The following AFAP1 variants were observed in gnomAD, a reference collection of about 807,000 sequenced individuals.
AFAP1 encodes the protein actin filament-associated protein 1.
AFAP1 carries 75 observed loss-of-function variants against 93.9 expected under a neutral mutation model. That is an observed-to-expected ratio of 0.80 (90% confidence interval 0.66 to 0.97). AFAP1 has a LOEUF of 0.97. AFAP1 is among the 50% of genes least tolerant of loss of function. The probability of loss-of-function intolerance (pLI) is 0.00; values close to 1 mark genes in which losing one functional copy is unlikely to be tolerated. For synonymous variants in AFAP1, 517 were observed against 430.7 expected (o/e 1.20, Z -2.48); for missense variants, 1,201 against 1,050.8 (o/e 1.14, Z -1.98).
chr4:7,763,737 T>G lies in AFAP1; in HGVS notation c.*28A>C. 1 of 1,551,580 alleles carries G rather than the reference T, an allele frequency of 6.4e-7. No individual in the cohort carries two copies. Among genetic ancestry groups the G allele is most frequent in the Non-Finnish European group, 8.7e-7 (1 of 1,146,920 alleles). On this transcript the variant is annotated 3_prime_UTR_variant, in exon 18 of 18. Transcript: ENST00000420658. ...GATACAGGCAAGGGGGTGTGCAGTCTCTGAGGCTGGAGTGGTGCTGCTGTC... is the reference window on the plus strand; with the variant it reads ...GATACAGGCAAGGGGGTGTGCAGTCGCTGAGGCTGGAGTGGTGCTGCTGTC...
intron 4 of AFAP1, among the ~76,000 whole-genome samples, chr4:7,852,744 C>A (rs1040163962): frequency 6.6e-6 from 1 of 152,224 alleles, no homozygotes; most frequent in Admixed American, 6.5e-5. Context: ...GGAGACGGAA[C>A]CTGTTACAGG....
At chr4:7,878,825 G>A (rs1384092965) in intron 1 of AFAP1, among the ~76,000 whole-genome samples, 1 of 152,056 alleles carries the variant, frequency 6.6e-6, no homozygotes, top group Non-Finnish European at 1.5e-5. Context: ...AGCCAGAATG[G>A]GAATCAGAAC....
chr4:7,881,801 A>C (rs1353102300), intron 1 of AFAP1, among the ~76,000 whole-genome samples: 1 of 151,474 alleles, frequency 6.6e-6, no homozygotes, highest in Non-Finnish European at 1.5e-5. Context: ...AAGAAAAAGT[A>C]AAAGAAACCT....
intron 1 of AFAP1, among the ~76,000 whole-genome samples, chr4:7,894,956 G>A (rs377377036): frequency 2.6e-5 from 4 of 152,220 alleles, no homozygotes; most frequent in East Asian, 1.9e-4. Context: ...AGATGGCTCC[G>A]CCGCTATGCA....
At chr4:7,932,101 A>G (rs6841472) in intron 1 of AFAP1, among the ~76,000 whole-genome samples, 3,745 of 151,696 alleles carry the variant, frequency 0.025, 142 homozygotes, top group African/African-American at 0.084. Flanking sequence ...CTCGTGATCC[A>G]CCCTCCTAGG....
At chr4:7,859,354 G>C (rs1715418001) in intron 3 of AFAP1, among the ~76,000 whole-genome samples, 1 of 152,106 alleles carries the variant, frequency 6.6e-6, no homozygotes. Flanking sequence ...GGGAGGCAGA[G>C]GCTGCAGTGA....
At chr4:7,863,882 T>C (rs985958073) in intron 3 of AFAP1, among the ~76,000 whole-genome samples, 1 of 124,182 alleles carries the variant, frequency 8.1e-6, no homozygotes, top group Non-Finnish European at 1.7e-5. Flanking sequence ...GCATGGGAAA[T>C]AGAACCTAGC....
intron 1 of AFAP1, among the ~76,000 whole-genome samples, chr4:7,931,860 GTTTC>G (rs930134110): frequency 4.6e-5 from 7 of 151,776 alleles, no homozygotes; most frequent in African/African-American, 1.2e-4. Flanking sequence ...ATAGATTCTG[GTTTC>G]TTTTTCTTTT....
intron 1 of AFAP1, among the ~76,000 whole-genome samples, chr4:7,931,546 A>AT (rs376570405): frequency 0.13 from 18,532 of 138,010 alleles, 1,597 homozygotes; most frequent in East Asian, 0.49. Flanking sequence ...CACGCCCAGC[A>AT]TTTTTTTTTT....
intron 3 of AFAP1, among the ~76,000 whole-genome samples, chr4:7,865,435 A>T (rs964906442): frequency 6.6e-6 from 1 of 152,178 alleles, no homozygotes; most frequent in African/African-American, 2.4e-5. Flanking sequence ...CCTTTTTAAA[A>T]TTTTCTCACC....
rs115514871 is a variant in AFAP1 at position 7,868,465 on chromosome 4, C to A, written c.225+157G>T. On this transcript the variant is annotated intron_variant, in intron 3 of 17. Coordinates refer to ENST00000420658, the MANE Select transcript of AFAP1 (RefSeq NM_001134647.2). ...TAGAGTCTACCAACTAGCTATCACT[C>A]ACAGCTTCTCAGCCCTAGAAATATA... Among the ~76,000 whole-genome samples the A allele has an allele frequency of 5.8e-3, 884 of 152,274 alleles. 7 individuals are homozygous for A. The highest frequency in any genetic ancestry group is 0.019 in the African/African-American group (776 of 41,538).
intron 1 of AFAP1, among the ~76,000 whole-genome samples, chr4:7,903,897 A>G (rs1273032327): frequency 1.3e-5 from 2 of 151,624 alleles, no homozygotes; most frequent in Non-Finnish European, 2.9e-5. Flanking sequence ...AGCCATACTC[A>G]TGTACTTCAA....
At chr4:7,813,662 C>T (rs1720235031) in intron 8 of AFAP1, among the ~76,000 whole-genome samples, 1 of 152,216 alleles carries the variant, frequency 6.6e-6, no homozygotes, top group South Asian at 2.1e-4. Flanking sequence ...TTTGATTACA[C>T]ATAATGTGTG....
chr4:7,765,902 G>A (rs1035149441), intron 17 of AFAP1, among the ~76,000 whole-genome samples: 1 of 152,200 alleles, frequency 6.6e-6, no homozygotes, highest in South Asian at 2.1e-4. Context: ...CGACCACAGC[G>A]CCCGGCCACC....
intron 1 of AFAP1, among the ~76,000 whole-genome samples, chr4:7,886,730 TA>T: frequency 6.6e-6 from 1 of 152,308 alleles, no homozygotes; most frequent in East Asian, 1.9e-4. Flanking sequence ...GTTTTTTGCT[TA>T]TCATAATAAT....
At chr4:7,768,292 T>C (rs547465262) in intron 17 of AFAP1, among the ~76,000 whole-genome samples, 1 of 152,238 alleles carries the variant, frequency 6.6e-6, no homozygotes, top group East Asian at 1.9e-4. Context: ...ATTTCTGAGG[T>C]TTCAAAGGTT....
Position 7,895,477 on chromosome 4 carries a change from T to C in AFAP1, c.-2-23397A>G, listed in dbSNP as rs555932226. Among the ~76,000 whole-genome samples the C allele has an allele frequency of 4.3e-4, 65 of 152,336 alleles. No homozygotes were observed. The East Asian group carries it at 9.6e-3, about 23-fold the overall frequency. On this transcript the variant is annotated intron_variant, in intron 1 of 17. Coordinates refer to ENST00000420658, the MANE Select transcript of AFAP1 (RefSeq NM_001134647.2). Reference sequence around the variant, plus strand: ...ATTAACCAAAGATAATCTGTAACTTTGTCTACTCCCCAGCATAACACATAG... The same window carrying C: ...ATTAACCAAAGATAATCTGTAACTTCGTCTACTCCCCAGCATAACACATAG...
intron 16 of AFAP1, chr4:7,772,111 G>GT (rs1160519252): frequency 6.6e-6 from 1 of 152,260 alleles, no homozygotes; most frequent in Non-Finnish European, 1.5e-5. Flanking sequence ...GACGCAGTGG[G>GT]TGGGGACCCA....
Position 7,939,853 on chromosome 4 carries a change from G to C in AFAP1, c.-200C>G, listed in dbSNP as rs1340033828. On this transcript the variant is annotated 5_prime_UTR_variant, in exon 1 of 18. Transcript: ENST00000420658. This position sits in a 1 kb window ranked among gnomAD's most constrained non-coding sequence, Gnocchi z 5.6. ...CTGCAGCCGGCGTGGGGCTGCGGCCGGGACAGACACCACGCAGGCGCACAC... is the reference window on the plus strand; with the variant it reads ...CTGCAGCCGGCGTGGGGCTGCGGCCCGGACAGACACCACGCAGGCGCACAC... 1.2e-5 allele frequency: 3 copies of C among 256,386 alleles called. No homozygotes were observed. The highest frequency in any genetic ancestry group is 2.4e-5 in the African/African-American group (1 of 42,218). 15.9% of individuals were successfully genotyped at this position (256,386 alleles called of 1,614,324 possible). A position where few individuals can be genotyped will look rare whatever the true frequency, so the allele number is the denominator to read the frequency against.
Sources: allele counts gnomAD v4.1 joint callset (sites outside exome capture counted in the v4.1 genomes callset), GRCh38; gene constraint gnomAD v4.1.1; non-coding constraint Gnocchi (gnomAD v3.1); transcripts MANE v1.5; gene names NCBI Gene and HGNC (gene_info 2026-07-23, HGNC 2026-07-21).